Variants in SRGAP1 observed in about 807,000 individuals in gnomAD.
SRGAP1 encodes SLIT-ROBO Rho GTPase-activating protein 1.
Under a neutral mutation model 121.9 loss-of-function variants are expected in SRGAP1, and 43 were observed. That is an observed-to-expected ratio of 0.35 (90% CI 0.28 to 0.46). The LOEUF is 0.46. SRGAP1 is among the 20% of genes least tolerant of loss of function. SRGAP1 has a pLI of 1.00. For synonymous variants in SRGAP1, 447 were observed against 485.4 expected (o/e 0.92, Z 1.04); for missense variants, 1,102 against 1,350.9 (o/e 0.82, Z 2.89).
chr12:64,080,401 C>T, intron 10 of SRGAP1, 31 bp downstream of exon 10: 1 of 1,487,280 alleles, frequency 6.7e-7, no homozygotes. Flanking sequence ...GGGAAGATGA[C>T]CTGGATGATA....
chr12:63,854,154 ATGG>A (rs1224285374), intron 1 of SRGAP1, among the ~76,000 whole-genome samples: 3 of 152,162 alleles, frequency 2.0e-5, no homozygotes, highest in African/African-American at 7.2e-5. Flanking sequence ...AGAAACCCCC[ATGG>A]AATGTCCCTT....
chr12:63,923,598 T>G (rs1167931892), intron 1 of SRGAP1, among the ~76,000 whole-genome samples: 1 of 152,252 alleles, frequency 6.6e-6, no homozygotes, highest in Non-Finnish European at 1.5e-5. Flanking sequence ...AATGCCCATT[T>G]TAAGATTCCT....
intron 4 of SRGAP1, among the ~76,000 whole-genome samples, chr12:64,026,116 A>G (rs1029331086): frequency 6.6e-6 from 1 of 152,124 alleles, no homozygotes; most frequent in Non-Finnish European, 1.5e-5. Context: ...ATGAACCCCA[A>G]TGTAATTATT....
intron 4 of SRGAP1, among the ~76,000 whole-genome samples, chr12:64,037,522 T>C (rs1167972421): frequency 6.6e-6 from 1 of 152,248 alleles, no homozygotes; most frequent in African/African-American, 2.4e-5. Context: ...CCAACACCTA[T>C]AGAATACATT....
chr12:64,138,968 A>G (rs897411563), intron 21 of SRGAP1, among the ~76,000 whole-genome samples: 8 of 152,162 alleles, frequency 5.3e-5, no homozygotes, highest in Non-Finnish European at 8.8e-5. Flanking sequence ...TAAAACAATA[A>G]CATTCCTAAA....
At chr12:64,021,007 G>A (rs1213745581) in intron 4 of SRGAP1, among the ~76,000 whole-genome samples, 1 of 149,714 alleles carries the variant, frequency 6.7e-6, no homozygotes, top group Non-Finnish European at 1.5e-5. Context: ...GTAACATAAA[G>A]CCTTCCAAGA....
chr12:64,161,035 C>T lies in SRGAP1; in HGVS notation c.*18363C>T, dbSNP rs1046692057. On this transcript the variant is annotated 3_prime_UTR_variant, in exon 22 of 22. Coordinates refer to ENST00000355086, the MANE Select transcript of SRGAP1 (RefSeq NM_020762.4). ...AATTTCAGAATATCCTGATGTGGAT[C>T]TATTTTGATTCATTGTACTGAAGAC... 6.6e-6 allele frequency: 1 copy of T among 152,082 alleles called. No individual in the cohort carries two copies. Among genetic ancestry groups the T allele is most frequent in the Non-Finnish European group, 1.5e-5 (1 of 68,028 alleles). The allele number at this position is 152,082 out of a possible 1,614,324, so 9.4% of individuals were successfully genotyped here. A position where few individuals can be genotyped will look rare whatever the true frequency, so the allele number is the denominator to read the frequency against.
chr12:64,106,389 C>T (rs537186060), intron 15 of SRGAP1, among the ~76,000 whole-genome samples: 24 of 152,252 alleles, frequency 1.6e-4, no homozygotes, highest in African/African-American at 5.5e-4. Context: ...TTTATAAAAT[C>T]AGCTATTTTA....
intron 21 of SRGAP1, among the ~76,000 whole-genome samples, chr12:64,134,690 C>T (rs2036833523): frequency 6.6e-6 from 1 of 152,064 alleles, no homozygotes; most frequent in Non-Finnish European, 1.5e-5. Context: ...TTTAACTCCC[C>T]GAGCTGCAAC....
At chr12:63,939,023 G>C (rs2031766891) in intron 1 of SRGAP1, among the ~76,000 whole-genome samples, 1 of 140,500 alleles carries the variant, frequency 7.1e-6, no homozygotes, top group Non-Finnish European at 1.5e-5. Flanking sequence ...AGGTGTGATG[G>C]CTTTGCCTGT....
chr12:63,893,074 A>G (rs921902195), intron 1 of SRGAP1, among the ~76,000 whole-genome samples: 10 of 152,184 alleles, frequency 6.6e-5, no homozygotes, highest in African/African-American at 2.4e-4. Context: ...GACATATCTA[A>G]GCTATTGCTA....
chr12:64,116,005 A>G (rs1432193355), intron 18 of SRGAP1, 112 bp downstream of exon 18: 1 of 1,007,210 alleles, frequency 9.9e-7, no homozygotes, highest in East Asian at 2.8e-5. Flanking sequence ...CTATAATCCC[A>G]GCACGTTGGG....
intron 1 of SRGAP1, among the ~76,000 whole-genome samples, chr12:63,910,231 T>C (rs1376424540): frequency 6.6e-6 from 1 of 152,228 alleles, no homozygotes; most frequent in Non-Finnish European, 1.5e-5. Flanking sequence ...AAAATCCAAC[T>C]TGACAACTTG....
At chr12:63,954,230 A>C (rs912392310) in intron 1 of SRGAP1, among the ~76,000 whole-genome samples, 8 of 152,228 alleles carry the variant, frequency 5.3e-5, no homozygotes, top group African/African-American at 1.9e-4. Context: ...AGATGTCTTA[A>C]AGAGTCAAAA....
intron 1 of SRGAP1, among the ~76,000 whole-genome samples, chr12:63,943,818 T>G (rs894740812): frequency 6.6e-6 from 1 of 152,130 alleles, no homozygotes; most frequent in Non-Finnish European, 1.5e-5. Flanking sequence ...TTTTTAGGCA[T>G]CAGCAGTACA....
chr12:63,869,614 A>G (rs1228270018), intron 1 of SRGAP1, among the ~76,000 whole-genome samples: 1 of 152,200 alleles, frequency 6.6e-6, no homozygotes, highest in Admixed American at 6.5e-5. Context: ...GCGTTCATCT[A>G]TAAGTATTCA....
chr12:64,069,368 A>C (rs991080460), intron 8 of SRGAP1, among the ~76,000 whole-genome samples: 1 of 152,248 alleles, frequency 6.6e-6, no homozygotes, highest in African/African-American at 2.4e-5. Flanking sequence ...GTGAAGATTC[A>C]TAAGAGATTG....
intron 11 of SRGAP1, among the ~76,000 whole-genome samples, chr12:64,088,626 G>C (rs1277569547): frequency 6.6e-6 from 1 of 152,168 alleles, no homozygotes. Context: ...GGGTGTAGCA[G>C]AGCAAGAATC....
chr12:63,925,639 G>T (rs1469834403), intron 1 of SRGAP1, among the ~76,000 whole-genome samples: 1 of 152,084 alleles, frequency 6.6e-6, no homozygotes, highest in African/African-American at 2.4e-5. Context: ...ATCTAAAGTA[G>T]AAAAAGGAAT....
Sources: allele counts gnomAD v4.1 joint callset (sites outside exome capture counted in the v4.1 genomes callset), GRCh38; gene constraint gnomAD v4.1.1; transcripts MANE v1.5; gene names NCBI Gene and HGNC (gene_info 2026-07-23, HGNC 2026-07-21).